XKR4: variants seen among roughly 807,000 people sequenced by gnomAD.
XKR4 encodes XK related 4.
XKR4 carries 12 observed loss-of-function variants against 53.9 expected under a neutral mutation model. That is an observed-to-expected ratio of 0.22 (90% CI 0.14 to 0.36). The LOEUF (loss-of-function observed/expected upper bound fraction) is 0.36, where lower values mean the gene tolerates loss of function less well. XKR4 is among the 10% of genes least tolerant of loss of function. The pLI is 1.00. For synonymous variants in XKR4, 354 were observed against 362.4 expected, an observed-to-expected ratio of 0.98 and a Z score of 0.26; for missense variants, 799 against 859.5, an observed-to-expected ratio of 0.93 and a Z score of 0.88.
chr8:55,146,390 A>C (rs1816773969), intron 1 of XKR4, among the ~76,000 whole-genome samples: 1 of 152,182 alleles, frequency 6.6e-6, no homozygotes, highest in African/African-American at 2.4e-5. Flanking sequence ...ATGAGGTGGA[A>C]ATTAGTTTCC....
At chr8:55,462,065 G>C (rs1278069118) in intron 2 of XKR4, among the ~76,000 whole-genome samples, 1 of 152,164 alleles carries the variant, frequency 6.6e-6, no homozygotes, top group Non-Finnish European at 1.5e-5. Flanking sequence ...ATATTATCCA[G>C]GAGAACTTCC....
At chr8:55,283,494 G>T (rs1392071305) in intron 1 of XKR4, among the ~76,000 whole-genome samples, 2 of 152,198 alleles carry the variant, frequency 1.3e-5, no homozygotes, top group Non-Finnish European at 2.9e-5. Flanking sequence ...ATGTGAAAGT[G>T]ATTTATAAAC....
chr8:55,343,658 G>C (rs1423881158), intron 1 of XKR4, among the ~76,000 whole-genome samples: 1 of 152,132 alleles, frequency 6.6e-6, no homozygotes, highest in African/African-American at 2.4e-5. Context: ...ATGCAGAGAA[G>C]GGGCATTGCT....
intron 1 of XKR4, among the ~76,000 whole-genome samples, chr8:55,257,145 T>C (rs1281127737): frequency 2.0e-5 from 3 of 152,184 alleles, no homozygotes; most frequent in East Asian, 1.9e-4. Flanking sequence ...ATTCAGACCA[T>C]GCACACAGCT....
At position 55,138,724 on chromosome 8, in the gene XKR4, C is replaced by CTAAG. The variant is rs1432238495; in HGVS notation, c.806+35431_806+35434dup. Among the ~76,000 whole-genome samples, 7 of 152,270 alleles carry CTAAG rather than the reference C, an allele frequency of 4.6e-5. No individual in the cohort carries two copies. In the East Asian group the frequency reaches 1.3e-3, roughly 29 times the overall value. ...GGTCTACCATGCACTGGTCACTGTACTAAGGGAAGGTGATAGAGTTTCTAG... is the reference window on the plus strand; with the variant it reads ...GGTCTACCATGCACTGGTCACTGTACTAAGTAAGGGAAGGTGATAGAGTTTCTAG... On this transcript the variant is annotated intron_variant, in intron 1 of 2. Coordinates refer to ENST00000327381, the MANE Select transcript of XKR4 (RefSeq NM_052898.2).
chr8:55,195,405 A>G (rs1817492269), intron 1 of XKR4, among the ~76,000 whole-genome samples: 1 of 143,252 alleles, frequency 7.0e-6, no homozygotes, highest in South Asian at 2.2e-4. Context: ...TGCATGATCA[A>G]TTAGTTTTTT....
At chr8:55,273,142 CTGTGTGTGTGTGTGTGTGTGTGTGTG>C (rs5891567) in intron 1 of XKR4, among the ~76,000 whole-genome samples, 1 of 147,444 alleles carries the variant, frequency 6.8e-6, no homozygotes, top group East Asian at 2.0e-4. Flanking sequence ...GAAAAGAGGA[CTGTGTGTGTGTGTGTGTGTGTGTGTG>C]TGTGTGTGTG....
chr8:55,156,677 C>T (rs1424555612), intron 1 of XKR4, among the ~76,000 whole-genome samples: 1 of 152,020 alleles, frequency 6.6e-6, no homozygotes. Flanking sequence ...CATTGTAAGT[C>T]TCTTAATACT....
intron 1 of XKR4, among the ~76,000 whole-genome samples, chr8:55,126,890 C>T (rs1374667286): frequency 6.6e-6 from 1 of 152,156 alleles, no homozygotes. Flanking sequence ...TGTACAAAAG[C>T]CCAAGTAATA....
chr8:55,200,465 G>GAC (rs1817565883), intron 1 of XKR4, among the ~76,000 whole-genome samples: 1 of 152,200 alleles, frequency 6.6e-6, no homozygotes, highest in Non-Finnish European at 1.5e-5. Context: ...ACTTTTGGTG[G>GAC]ATAATTTAGG....
At chr8:55,500,622 C>A (rs965225150) in intron 2 of XKR4, among the ~76,000 whole-genome samples, 1 of 152,188 alleles carries the variant, frequency 6.6e-6, no homozygotes, top group Non-Finnish European at 1.5e-5. Flanking sequence ...AATTGTATGA[C>A]ACCATCACTA....
chr8:55,161,447 G>C (rs968280305), intron 1 of XKR4: 4 of 436,424 alleles, frequency 9.2e-6, no homozygotes, highest in Middle Eastern at 7.2e-4. Flanking sequence ...AGGGAAACTA[G>C]AGTCTTTGAG....
At chr8:55,443,168 C>A (rs1465771582) in intron 2 of XKR4, among the ~76,000 whole-genome samples, 1 of 151,784 alleles carries the variant, frequency 6.6e-6, no homozygotes, top group East Asian at 1.9e-4. Flanking sequence ...CAAAGGAATT[C>A]TAAGAAATAA....
At chr8:55,420,573 G>A (rs151128679) in intron 2 of XKR4, among the ~76,000 whole-genome samples, 6,872 of 142,538 alleles carry the variant, frequency 0.048, 338 homozygotes, top group African/African-American at 0.14. Flanking sequence ...CTCATAGGTC[G>A]GAATTGAACA....
At chr8:55,481,484 G>A (rs571451751) in intron 2 of XKR4, among the ~76,000 whole-genome samples, 1 of 152,188 alleles carries the variant, frequency 6.6e-6, no homozygotes, top group Admixed American at 6.5e-5. Context: ...ACATAGGCAT[G>A]GGCAAGGACT....
At chr8:55,443,530 T>TAAAAAAAAAAAAAAAAAAAAAAAA (rs751152509) in intron 2 of XKR4, among the ~76,000 whole-genome samples, 1 of 74,010 alleles carries the variant, frequency 1.4e-5, no homozygotes, top group African/African-American at 6.3e-5. Context: ...TCAGTTACAT[T>TAAAAAAAAAAAAAAAAAAAAAAAA]AAAAAAAAAA....
chr8:55,409,392 C>T (rs968573115), intron 2 of XKR4, among the ~76,000 whole-genome samples: 6 of 152,116 alleles, frequency 3.9e-5, no homozygotes, highest in African/African-American at 1.4e-4. Context: ...ACATTTCTGA[C>T]CCCAGGACTT....
At chr8:55,506,920 T>C (rs911035934) in intron 2 of XKR4, among the ~76,000 whole-genome samples, 3 of 152,262 alleles carry the variant, frequency 2.0e-5, no homozygotes, top group African/African-American at 7.2e-5. Flanking sequence ...TGACAAGAAT[T>C]ATTTAACTCA....
chr8:55,343,694 C>G (rs61653315), intron 1 of XKR4, among the ~76,000 whole-genome samples: 26 of 152,280 alleles, frequency 1.7e-4, no homozygotes, highest in African/African-American at 6.0e-4. Flanking sequence ...CTCCTATTCA[C>G]AACCACTAAA....
Sources: allele counts gnomAD v4.1 joint callset (sites outside exome capture counted in the v4.1 genomes callset), GRCh38; gene constraint gnomAD v4.1.1; transcripts MANE v1.5; gene names NCBI Gene and HGNC (gene_info 2026-07-23, HGNC 2026-07-21).